OSBP2: variants seen among roughly 807,000 people sequenced by gnomAD.
OSBP2 encodes oxysterol binding protein 2, also known as oxysterol-binding protein 2.
A neutral mutation model predicts 96.0 loss-of-function variants in OSBP2; 66 were observed. That is an observed-to-expected ratio of 0.69 (90% CI 0.56 to 0.84). The LOEUF (loss-of-function observed/expected upper bound fraction) is 0.84. Among genes scored for constraint, OSBP2 ranks in the 40% least tolerant of loss-of-function variants. The pLI, the probability that OSBP2 is intolerant of heterozygous loss-of-function variation, is 0.00. For missense variants in OSBP2, 1,038 were observed against 1,222.7 expected (o/e 0.85, Z 2.25); for synonymous variants, 525 against 520.9 (o/e 1.01, Z -0.11).
intron 2 of OSBP2, among the ~76,000 whole-genome samples, chr22:30,816,874 T>C (rs535957938): frequency 1.3e-5 from 2 of 152,246 alleles, no homozygotes; most frequent in East Asian, 3.9e-4. Context: ...TACCTGGGAT[T>C]ACAGGTGTAC....
intron 2 of OSBP2, among the ~76,000 whole-genome samples, chr22:30,788,763 AG>A (rs1360399517): frequency 2.0e-5 from 3 of 152,088 alleles, no homozygotes; most frequent in Non-Finnish European, 4.4e-5. Context: ...CCCAGGCTGG[AG>A]TGCAGTGGCA....
intron 2 of OSBP2, among the ~76,000 whole-genome samples, chr22:30,819,694 T>C (rs1442219551): frequency 1.3e-5 from 2 of 152,220 alleles, no homozygotes; most frequent in Admixed American, 1.3e-4. Flanking sequence ...GTGTTTGCTT[T>C]AGTGGGACCA....
rs539368510 is a variant in OSBP2 at position 30,768,816 on chromosome 22, G to GTAAT, written c.853+27450_853+27453dup. ...AGAGGGCATAATAGCACTTTCGTTT[G>GTAAT]TAATTATCAGATTGGAGTTTATTCT... On this transcript the variant is annotated intron_variant, in intron 2 of 13. Coordinates refer to ENST00000332585, the MANE Select transcript of OSBP2 (RefSeq NM_030758.4). Among the ~76,000 whole-genome samples the GTAAT allele has an allele frequency of 3.1e-4, 47 of 152,322 alleles. No homozygotes were observed. The South Asian group carries it at 9.5e-3, about 31-fold the overall frequency.
intron 7 of OSBP2, 75 bp downstream of exon 7, chr22:30,889,711 C>T: frequency 7.1e-7 from 1 of 1,409,856 alleles, no homozygotes; most frequent in Non-Finnish European, 1.0e-6. Flanking sequence ...GCAGTAATGG[C>T]CTGTGTGAAG....
At chr22:30,721,116 A>G (rs1300078519) in intron 1 of OSBP2, among the ~76,000 whole-genome samples, 2 of 152,134 alleles carry the variant, frequency 1.3e-5, no homozygotes, top group Non-Finnish European at 2.9e-5. Context: ...AATCCCAGCT[A>G]CTTGGGAGGC....
chr22:30,714,358 A>G (rs2089410167), intron 1 of OSBP2, among the ~76,000 whole-genome samples: 1 of 152,076 alleles, frequency 6.6e-6, no homozygotes, highest in South Asian at 2.1e-4. Flanking sequence ...ATAGTTCTAC[A>G]ATAAATATGG....
At chr22:30,722,929 G>A (rs1004706887) in intron 1 of OSBP2, among the ~76,000 whole-genome samples, 1 of 151,432 alleles carries the variant, frequency 6.6e-6, no homozygotes, top group Non-Finnish European at 1.5e-5. Flanking sequence ...GACTACAGGC[G>A]TGTGCCACCA....
chr22:30,812,296 G>A (rs146370267), intron 2 of OSBP2, among the ~76,000 whole-genome samples: 1 of 152,138 alleles, frequency 6.6e-6, no homozygotes, highest in Non-Finnish European at 1.5e-5. Flanking sequence ...CTCCTGAGCA[G>A]CTGGGACTAC....
chr22:30,774,981 A>G (rs575817225), intron 2 of OSBP2, among the ~76,000 whole-genome samples: 4 of 152,312 alleles, frequency 2.6e-5, no homozygotes, highest in South Asian at 2.1e-4. Context: ...TTAGCTTTCA[A>G]TGATGTTCAA....
At chr22:30,868,426 T>C (rs2039390889) in intron 2 of OSBP2, among the ~76,000 whole-genome samples, 1 of 152,180 alleles carries the variant, frequency 6.6e-6, no homozygotes, top group East Asian at 1.9e-4. Context: ...CCTCCAGACG[T>C]CTGGGGGCCG....
chr22:30,740,134 C>A (rs1001097116), intron 1 of OSBP2, among the ~76,000 whole-genome samples: 1 of 152,064 alleles, frequency 6.6e-6, no homozygotes, highest in African/African-American at 2.4e-5. Context: ...TGTGAGCCAC[C>A]GCGCCTGGCC....
At chr22:30,874,351 G>T (rs2039529413) in intron 3 of OSBP2, among the ~76,000 whole-genome samples, 1 of 152,130 alleles carries the variant, frequency 6.6e-6, no homozygotes, top group Non-Finnish European at 1.5e-5. Flanking sequence ...GATGGAGGTT[G>T]CAGTGAGCCA....
intron 2 of OSBP2, among the ~76,000 whole-genome samples, chr22:30,863,018 A>T (rs1011921217): frequency 1.4e-4 from 21 of 151,854 alleles, no homozygotes; most frequent in Admixed American, 1.3e-3. Context: ...GGTCTTGGGC[A>T]GGCTCCTAAC....
At chr22:30,811,774 C>T (rs534742655) in intron 2 of OSBP2, among the ~76,000 whole-genome samples, 11 of 151,716 alleles carry the variant, frequency 7.3e-5, no homozygotes, top group South Asian at 2.1e-4. Flanking sequence ...AGGCTGGTCT[C>T]GAACTCCTGA....
intron 2 of OSBP2, among the ~76,000 whole-genome samples, chr22:30,778,517 T>C (rs2090469264): frequency 6.6e-6 from 1 of 152,148 alleles, no homozygotes; most frequent in South Asian, 2.1e-4. Flanking sequence ...CCTGCGGTTA[T>C]GGCCTGTTAT....
At chr22:30,734,067 T>TG (rs745739912) in intron 1 of OSBP2, among the ~76,000 whole-genome samples, 35 of 152,010 alleles carry the variant, frequency 2.3e-4, no homozygotes, top group Non-Finnish European at 3.8e-4. Flanking sequence ...CATCACCTCT[T>TG]GGGTTCAAAC....
At position 30,870,739 on chromosome 22, in the gene OSBP2, C is replaced by G. The variant is rs1298858507; in HGVS notation, c.1107+57C>G. The G allele has an allele frequency of 5.1e-6, 8 of 1,576,250 alleles. No homozygotes were observed. The highest frequency in any genetic ancestry group is 3.6e-4 in the Middle Eastern group (2 of 5,540). Reference sequence around the variant, plus strand: ...GGCTCCCTGGCTCCAGCCCCGGGGTCCCTCGGTGGGTGACCAGGGTCAGCT... The same window carrying G: ...GGCTCCCTGGCTCCAGCCCCGGGGTGCCTCGGTGGGTGACCAGGGTCAGCT... On this transcript the variant is annotated intron_variant, in intron 3 of 13. Transcript: ENST00000332585. This position sits in a 1 kb window ranked among gnomAD's most constrained non-coding sequence, Gnocchi z 4.1.
rs34240867 is a variant in OSBP2, at chr22:30,893,904, A to G, written c.2278A>G (p.Met760Val). ...TGAACAAATGGAGTGCTCCAAGGTC[A>G]TGCATAGCAGTCCCAGCAGCCCCAG... ...WDEQMECSKV[M>V]HSSPSSPSSD... The change falls in exon 12 of 14, where the codon ATG becomes GTG. Residue 760 changes from methionine (M) to valine (V), a missense_variant. Physicochemically the swap from Met to Val is conservative, Grantham distance 21. Transcript: ENST00000332585. 7.4e-3 allele frequency: 11,776 copies of G among 1,590,028 alleles called. 79 individuals carry two copies. Among genetic ancestry groups the G allele is most frequent in the Middle Eastern group, 0.02 (123 of 6,032 alleles).
intron 2 of OSBP2, among the ~76,000 whole-genome samples, chr22:30,774,886 C>T (rs979662637): frequency 6.6e-6 from 1 of 152,176 alleles, no homozygotes. Flanking sequence ...ATGATAGCAT[C>T]ACTTTTTATA....
Sources: gnomAD v4.1 joint callset for allele counts (sites outside exome capture counted in the v4.1 genomes callset) on GRCh38, gnomAD v4.1.1 for gene constraint, Gnocchi (gnomAD v3.1) non-coding constraint, MANE v1.5 for transcripts, NCBI Gene and HGNC (gene_info 2026-07-23, HGNC 2026-07-21) for gene names.